COMMD10: variants seen among roughly 807,000 people sequenced by gnomAD.
COMMD10 encodes the protein COMM domain containing 10, also known as COMM domain-containing protein 10.
COMMD10 carries 33 observed loss-of-function variants against 28.9 expected under a neutral mutation model. That is an observed-to-expected ratio of 1.14 (90% CI 0.87 to 1.53). The LOEUF (loss-of-function observed/expected upper bound fraction) is 1.53. COMMD10 is among the 40% of genes most tolerant of loss of function. COMMD10 has a pLI of 0.00. For missense variants in COMMD10, 310 were observed against 233.4 expected, an observed-to-expected ratio of 1.33 and a Z score of -2.14; for synonymous variants, 110 against 81.7, an observed-to-expected ratio of 1.35 and a Z score of -1.87.
chr5:116,240,385 G>T (rs1749781170), intron 5 of COMMD10, among the ~76,000 whole-genome samples: 1 of 152,106 alleles, frequency 6.6e-6, no homozygotes, highest in Non-Finnish European at 1.5e-5. Context: ...CCTGTCCCAA[G>T]CATAAAGATT....
rs767004949 is a variant in COMMD10, at chr5:116,091,111, A to G, written c.165A>G (p.Glu55=). Residue 55 remains glutamate (E), a synonymous_variant, in exon 3 of 7, where the codon GAA becomes GAG. Transcript: ENST00000274458. ...AESSFSEEEE[E]KLQAAFSLEK... ...GCAGTTTCAGTGAAGAAGAGGAAGA[A>G]AAACTTCAAGCGGCATTTTCTCTAG... 1 of 1,612,004 alleles carries G rather than the reference A, an allele frequency of 6.2e-7. No individual in the cohort carries two copies. The highest frequency in any genetic ancestry group is 8.5e-7 in the Non-Finnish European group (1 of 1,178,810).
chr5:116,101,774 T>G (rs572661398), intron 4 of COMMD10, among the ~76,000 whole-genome samples: 26 of 152,366 alleles, frequency 1.7e-4, no homozygotes, highest in African/African-American at 6.0e-4. Flanking sequence ...GATAGCTCAT[T>G]GTGGCTTTGA....
chr5:116,148,530 C>G (rs1312678640), intron 5 of COMMD10, among the ~76,000 whole-genome samples: 1 of 151,784 alleles, frequency 6.6e-6, no homozygotes, highest in East Asian at 1.9e-4. Flanking sequence ...TTGTTGTTGT[C>G]AACAGTAAAA....
At chr5:116,207,431 G>A (rs563271248) in intron 5 of COMMD10, among the ~76,000 whole-genome samples, 1 of 152,270 alleles carries the variant, frequency 6.6e-6, no homozygotes, top group East Asian at 1.9e-4. Flanking sequence ...TCAAGAAGTT[G>A]TACAAAGATA....
chr5:116,246,339 A>G (rs1480827281), intron 5 of COMMD10, among the ~76,000 whole-genome samples: 1 of 152,122 alleles, frequency 6.6e-6, no homozygotes, highest in East Asian at 1.9e-4. Flanking sequence ...CAGAAGTGAC[A>G]CAAATGGAAA....
At chr5:116,271,056 T>A (rs1750739937) in intron 5 of COMMD10, among the ~76,000 whole-genome samples, 1 of 151,498 alleles carries the variant, frequency 6.6e-6, no homozygotes, top group South Asian at 2.1e-4. Context: ...GGCCCAAAAT[T>A]TCTCCAAGTG....
chr5:116,108,122 G>C (rs1750904722), intron 4 of COMMD10, among the ~76,000 whole-genome samples: 1 of 152,180 alleles, frequency 6.6e-6, no homozygotes, highest in Non-Finnish European at 1.5e-5. Flanking sequence ...CCCACTGTGG[G>C]GTTTCTCCCA....
chr5:116,183,841 G>GTCACGTATATT (rs1156970380), intron 5 of COMMD10, among the ~76,000 whole-genome samples: 14 of 152,106 alleles, frequency 9.2e-5, no homozygotes, highest in Non-Finnish European at 2.1e-4. Context: ...ATATATGGTG[G>GTCACGTATATT]CAGGCTATAC....
At chr5:116,131,022 T>C (rs766479394) in intron 4 of COMMD10, among the ~76,000 whole-genome samples, 13 of 152,002 alleles carry the variant, frequency 8.6e-5, no homozygotes, top group Non-Finnish European at 1.9e-4. Flanking sequence ...ATGGCAATAT[T>C]ACAAATATAC....
intron 5 of COMMD10, among the ~76,000 whole-genome samples, chr5:116,149,436 C>G (rs1420024800): frequency 6.7e-6 from 1 of 148,600 alleles, no homozygotes; most frequent in South Asian, 2.2e-4. Context: ...GCCACACAGA[C>G]TTCCACAATG....
chr5:116,238,978 A>G (rs988855157), intron 5 of COMMD10, among the ~76,000 whole-genome samples: 1 of 152,136 alleles, frequency 6.6e-6, no homozygotes, highest in Admixed American at 6.5e-5. Context: ...GATTAAAGCA[A>G]TTCTAGCATA....
intron 5 of COMMD10, among the ~76,000 whole-genome samples, chr5:116,236,873 G>A (rs1212289260): frequency 6.6e-6 from 1 of 152,046 alleles, no homozygotes; most frequent in Non-Finnish European, 1.5e-5. Context: ...CTACTCTGGT[G>A]GGGGATACTG....
At chr5:116,120,143 A>G (rs1345902953) in intron 4 of COMMD10, among the ~76,000 whole-genome samples, 2 of 152,272 alleles carry the variant, frequency 1.3e-5, no homozygotes, top group East Asian at 3.9e-4. Flanking sequence ...AAAATATGGT[A>G]TATATACACT....
chr5:116,207,575 G>C (rs897458200), intron 5 of COMMD10, among the ~76,000 whole-genome samples: 1 of 152,058 alleles, frequency 6.6e-6, no homozygotes, highest in African/African-American at 2.4e-5. Flanking sequence ...ACCCAAGCTG[G>C]AGTGCAGTGG....
chr5:116,242,219 GA>G (rs1156341610), intron 5 of COMMD10, among the ~76,000 whole-genome samples: 2 of 151,544 alleles, frequency 1.3e-5, no homozygotes, highest in African/African-American at 2.4e-5. Context: ...TAAGATTTAG[GA>G]AAAAAAAGTC....
intron 5 of COMMD10, among the ~76,000 whole-genome samples, chr5:116,235,851 A>C (rs944913353): frequency 9.2e-5 from 14 of 152,168 alleles, no homozygotes; most frequent in Admixed American, 8.5e-4. Flanking sequence ...TTATTCATTC[A>C]GTTCGCTTGA....
At chr5:116,191,899 C>T (rs1479792903) in intron 5 of COMMD10, among the ~76,000 whole-genome samples, 2 of 151,102 alleles carry the variant, frequency 1.3e-5, no homozygotes, top group Non-Finnish European at 3.0e-5. Flanking sequence ...TGCACAACCC[C>T]CCATCCTCCC....
intron 5 of COMMD10, among the ~76,000 whole-genome samples, chr5:116,276,403 A>G (rs1423214210): frequency 6.6e-6 from 1 of 151,316 alleles, no homozygotes. Context: ...CACCTGGCTA[A>G]TTTTTGTATT....
chr5:116,287,311 T>G, intron 5 of COMMD10, among the ~76,000 whole-genome samples: 1 of 151,736 alleles, frequency 6.6e-6, no homozygotes, highest in East Asian at 1.9e-4. Context: ...AAATTGACCC[T>G]TTTGTCATTA....
Sources: allele counts gnomAD v4.1 joint callset (sites outside exome capture counted in the v4.1 genomes callset), GRCh38; gene constraint gnomAD v4.1.1; transcripts MANE v1.5; gene names NCBI Gene and HGNC (gene_info 2026-07-23, HGNC 2026-07-21).